Variants in KDM4C observed in about 807,000 individuals in gnomAD.
The protein encoded by KDM4C is lysine-specific demethylase 4C.
Under a neutral mutation model 129.3 loss-of-function variants are expected in KDM4C, and 81 were observed. The ratio of observed to expected loss-of-function variants is 0.63; its 90% CI spans 0.52 to 0.75. KDM4C has a LOEUF of 0.75. KDM4C is among the 30% of genes least tolerant of loss of function. KDM4C has a pLI of 0.00. For synonymous variants in KDM4C, 573 were observed against 456.1 expected (o/e 1.26, Z -3.26); for missense variants, 1,457 against 1,304.0 (o/e 1.12, Z -1.81).
At chr9:7,089,911 G>A (rs1224502101) in intron 17 of KDM4C, among the ~76,000 whole-genome samples, 2 of 152,214 alleles carry the variant, frequency 1.3e-5, no homozygotes, top group South Asian at 2.1e-4. Flanking sequence ...ATGGCCGTCA[G>A]CTGGGTTCCA....
rs569918958 is a variant in KDM4C at position 7,136,629 on chromosome 9, C to T, written c.2781+8393C>T. On this transcript the variant is annotated intron_variant, in intron 19 of 21. Transcript: ENST00000381309. ...TTATTAGCCATTCATCTGTCTTCTA[C>T]GATGAAAAGCCTATTCAAACCAGTA... Among the ~76,000 whole-genome samples the T allele has an allele frequency of 5.3e-5, 8 of 152,290 alleles. No homozygotes were observed. The South Asian group carries it at 1.5e-3, about 28-fold the overall frequency.
At chr9:6,793,281 C>T (rs1000630562) in intron 2 of KDM4C, 149 bp downstream of exon 2, 7 of 732,598 alleles carry the variant, frequency 9.6e-6, no homozygotes, top group African/African-American at 8.9e-5. Flanking sequence ...TTGATTTCTT[C>T]AAATAGTAAT....
intron 19 of KDM4C, among the ~76,000 whole-genome samples, chr9:7,150,038 G>A (rs542631951): frequency 1.8e-4 from 28 of 152,294 alleles, no homozygotes; most frequent in Non-Finnish European, 2.5e-4. Context: ...ACTGTAGAAA[G>A]GGAGAGGAAG....
intron 12 of KDM4C, among the ~76,000 whole-genome samples, chr9:7,004,680 T>C (rs781504098): frequency 2.4e-4 from 37 of 152,180 alleles, no homozygotes; most frequent in Non-Finnish European, 4.4e-4. Flanking sequence ...AATGATGTTT[T>C]TGAGTGAATG....
At chr9:6,749,764 A>T (rs1818008059) in intron 1 of KDM4C, among the ~76,000 whole-genome samples, 1 of 151,930 alleles carries the variant, frequency 6.6e-6, no homozygotes, top group Non-Finnish European at 1.5e-5. Context: ...AGGTGGGAGG[A>T]TCACCTTAGG....
rs141490434 is a variant in KDM4C at position 7,140,715 on chromosome 9, G to T, written c.2781+12479G>T. On this transcript the variant is annotated intron_variant, in intron 19 of 21. Coordinates refer to ENST00000381309, the MANE Select transcript of KDM4C (RefSeq NM_015061.6). ...GCACCTACTACATGCCACCCATCATGCTGGGTTCTGGGAAAATGATAGCAG... is the reference window on the plus strand; with the variant it reads ...GCACCTACTACATGCCACCCATCATTCTGGGTTCTGGGAAAATGATAGCAG... 3.0e-3 allele frequency among the ~76,000 whole-genome samples: 462 copies of T among 152,290 alleles called. 3 individuals carry two copies. Among genetic ancestry groups the T allele is most frequent in the African/African-American group, 0.011 (445 of 41,550 alleles).
chr9:6,756,009 C>G (rs538545769), upstream of KDM4C, among the ~76,000 whole-genome samples: 2 of 152,308 alleles, frequency 1.3e-5, no homozygotes, highest in South Asian at 2.1e-4. Context: ...AAAAGTCATA[C>G]TCTAATTCAC....
Position 6,741,354 on chromosome 9 carries a change from C to T in KDM4C, c.49+20357C>T, listed in dbSNP as rs138337847. Among the ~76,000 whole-genome samples the T allele has an allele frequency of 6.0e-3, 908 of 152,174 alleles. 5 individuals are homozygous for T. Among genetic ancestry groups the T allele is most frequent in the Non-Finnish European group, 0.011 (724 of 68,012 alleles). On this transcript the variant is annotated intron_variant, in intron 1 of 17. Coordinates refer to the KDM4C transcript ENST00000536108. ...AGGTTGCAGTGGGCAGAGATTGCGACACTGCACTCCAGCCTGGGCAACAGA... is the reference window on the plus strand; with the variant it reads ...AGGTTGCAGTGGGCAGAGATTGCGATACTGCACTCCAGCCTGGGCAACAGA...
At chr9:7,140,851 C>T (rs1841673819) in intron 19 of KDM4C, among the ~76,000 whole-genome samples, 1 of 152,126 alleles carries the variant, frequency 6.6e-6, no homozygotes, top group Non-Finnish European at 1.5e-5. Context: ...CCTGGGATGA[C>T]AGGAATATGA....
At position 6,794,066 on chromosome 9, in the gene KDM4C, A is replaced by G. The variant is rs533317127; in HGVS notation, c.144+934A>G. 3.9e-5 allele frequency among the ~76,000 whole-genome samples: 6 copies of G among 152,330 alleles called. No individual in the cohort carries two copies. The East Asian group carries it at 1.2e-3, about 29-fold the overall frequency. ...TGCTATCACCCCCAGCCCATAGGCA[A>G]CCACAAACTGACTTATTCTCTCTCT... On this transcript the variant is annotated intron_variant, in intron 2 of 21. Coordinates refer to ENST00000381309, the MANE Select transcript of KDM4C (RefSeq NM_015061.6).
rs1043169098 is a variant in KDM4C at position 6,891,416 on chromosome 9, A to G, written c.784-1679A>G. On this transcript the variant is annotated intron_variant, in intron 7 of 21. Transcript: ENST00000381309. ...TGGAAGAATTCAGTAACAAAAGATC[A>G]TACTTTATATGATTCTATTAATATT... is the stretch of plus-strand genomic sequence containing the variant. 9.9e-5 allele frequency among the ~76,000 whole-genome samples: 15 copies of G among 152,232 alleles called. 1 individual carries two copies. The highest frequency in any genetic ancestry group is 8.5e-4 in the Admixed American group (13 of 15,278).
chr9:6,755,401 C>G (rs1051100606), upstream of KDM4C, among the ~76,000 whole-genome samples: 10 of 148,772 alleles, frequency 6.7e-5, no homozygotes, highest in African/African-American at 2.2e-4. Flanking sequence ...ATTAGCTGGG[C>G]ATTATGGCAC....
upstream of KDM4C, among the ~76,000 whole-genome samples, chr9:6,756,634 T>G (rs1818303729): frequency 6.6e-6 from 1 of 152,194 alleles, no homozygotes; most frequent in Admixed American, 6.5e-5. Flanking sequence ...GGAGAATCTC[T>G]CGAACCCGTG....
chr9:6,986,692 C>A (rs776402510), intron 11 of KDM4C, 26 bp downstream of exon 11: 4 of 1,522,966 alleles, frequency 2.6e-6, no homozygotes, highest in Non-Finnish European at 3.6e-6. Flanking sequence ...CATTTTTTAC[C>A]ATATTCATTA....
intron 19 of KDM4C, among the ~76,000 whole-genome samples, chr9:7,140,134 A>C (rs1016218397): frequency 1.3e-5 from 2 of 152,082 alleles, no homozygotes; most frequent in African/African-American, 2.4e-5. Flanking sequence ...GTATTAGGAG[A>C]CAGCCTTTCC....
chr9:6,983,555 G>A (rs982714681), intron 9 of KDM4C, among the ~76,000 whole-genome samples: 5 of 134,118 alleles, frequency 3.7e-5, no homozygotes, highest in Non-Finnish European at 8.0e-5. Context: ...GGACAATATA[G>A]TGAGACAGTG....
At chr9:6,893,503 C>T (rs1413514566) in intron 8 of KDM4C, 5 of 234,342 alleles carry the variant, frequency 2.1e-5, no homozygotes, top group Admixed American at 5.7e-5. Flanking sequence ...ATCTTGAGGC[C>T]TCCAGTTGGT....
intron 10 of KDM4C, among the ~76,000 whole-genome samples, 191 bp from the exon 11 acceptor site, chr9:6,986,153 T>A (rs531535021): frequency 6.6e-6 from 1 of 152,216 alleles, no homozygotes; most frequent in Admixed American, 6.5e-5. Flanking sequence ...GTAGAAGAAC[T>A]GGGTTGTTCA....
At chr9:6,812,072 C>G (rs995117250) in intron 3 of KDM4C, among the ~76,000 whole-genome samples, 3 of 151,948 alleles carry the variant, frequency 2.0e-5, no homozygotes, top group African/African-American at 7.3e-5. Context: ...ATCTTTCTCT[C>G]TTAGAGTTAT....
Sources: gnomAD v4.1 joint callset for allele counts (sites outside exome capture counted in the v4.1 genomes callset) on GRCh38, gnomAD v4.1.1 for gene constraint, MANE v1.5 for transcripts, NCBI Gene and HGNC (gene_info 2026-07-23, HGNC 2026-07-21) for gene names.